Variants in NSA2 observed in about 807,000 individuals in gnomAD.
NSA2 encodes the protein ribosome biogenesis protein NSA2 homolog.
In NSA2, 18 loss-of-function variants were observed where a neutral mutation model predicts 34.8. The ratio of observed to expected loss-of-function variants is 0.52; its 90% CI spans 0.36 to 0.77. The LOEUF (loss-of-function observed/expected upper bound fraction) is 0.77, where lower values mean the gene tolerates loss of function less well. Ranked by LOEUF, NSA2 falls within the 30% of genes least tolerant of loss-of-function variation. The pLI, the probability that NSA2 is intolerant of heterozygous loss-of-function variation, is 0.00. For synonymous variants in NSA2, 79 were observed against 100.2 expected (o/e 0.79, Z 1.26); for missense variants, 188 against 314.7 (o/e 0.60, Z 3.05).
intron 5 of NSA2, among the ~76,000 whole-genome samples, chr5:74,775,059 T>C (rs1235800530): frequency 6.6e-6 from 1 of 151,532 alleles, no homozygotes; most frequent in Non-Finnish European, 1.5e-5. Flanking sequence ...CTACTAAAAA[T>C]ACACAAATTA....
rs1157315500 is a variant in NSA2 at position 74,777,851 on chromosome 5, C to T, written c.*1180C>T. 1 of 151,850 alleles carries T rather than the reference C, an allele frequency of 6.6e-6. No homozygotes were observed. Among genetic ancestry groups the T allele is most frequent in the Non-Finnish European group, 1.5e-5 (1 of 67,884 alleles). The allele number at this position is 151,850 out of a possible 1,614,324, so 9.4% of individuals were successfully genotyped here. On this transcript the variant is annotated 3_prime_UTR_variant, in exon 6 of 6. Transcript: ENST00000610426. ...AGACTTGCTACTCTGAATAATGTAA[C>T]ATTTTTTCTAAGTTCTATAAATATA...
intron 2 of NSA2, 39 bp from the exon 3 acceptor site, chr5:74,769,175 T>G: frequency 2.5e-6 from 4 of 1,594,308 alleles, no homozygotes; most frequent in Non-Finnish European, 3.4e-6. Context: ...TAATCATTAT[T>G]AAAACAGATA....
At chr5:74,767,549 C>T (rs749243861) in intron 1 of NSA2, among the ~76,000 whole-genome samples, 186 bp downstream of exon 1, 1 of 152,164 alleles carries the variant, frequency 6.6e-6, no homozygotes, top group Non-Finnish European at 1.5e-5. Flanking sequence ...GAGACACAGA[C>T]GGTATTTGCC....
intron 5 of NSA2, among the ~76,000 whole-genome samples, chr5:74,774,899 C>CTA (rs1303974946): frequency 6.6e-6 from 1 of 152,098 alleles, no homozygotes; most frequent in African/African-American, 2.4e-5. Flanking sequence ...AGAAATAGAA[C>CTA]TATCTGTCCC....
At chr5:74,773,195 G>C (rs1370889011) in intron 4 of NSA2, among the ~76,000 whole-genome samples, 1 of 152,136 alleles carries the variant, frequency 6.6e-6, no homozygotes, top group African/African-American at 2.4e-5. Flanking sequence ...GGATGTGTTT[G>C]TTGTGAGGTT....
chr5:74,775,222 T>TAAG (rs920695005), intron 5 of NSA2, among the ~76,000 whole-genome samples: 1 of 150,390 alleles, frequency 6.6e-6, no homozygotes, highest in African/African-American at 2.4e-5. Flanking sequence ...TCTCAAAAAG[T>TAAG]AATAATAATA....
intron 4 of NSA2, among the ~76,000 whole-genome samples, chr5:74,772,291 AT>A (rs1410838072): frequency 6.6e-6 from 1 of 151,774 alleles, no homozygotes. Flanking sequence ...CGCCCGGCTA[AT>A]TTTTTTGTAT....
At chr5:74,770,108 A>G (rs1744867888) in intron 3 of NSA2, among the ~76,000 whole-genome samples, 2 of 152,180 alleles carry the variant, frequency 1.3e-5, no homozygotes, top group South Asian at 4.1e-4. Flanking sequence ...AGGCAGGTGG[A>G]TCACCTGAGG....
intron 5 of NSA2, 140 bp from the exon 6 acceptor site, chr5:74,776,464 C>T: frequency 1.7e-6 from 1 of 595,024 alleles, no homozygotes; most frequent in Non-Finnish European, 3.1e-6. Flanking sequence ...GATCACGCCA[C>T]CACACTGCAG....
At chr5:74,767,478 A>G (rs745335793) in intron 1 of NSA2, 115 bp downstream of exon 1, 16 of 1,297,846 alleles carry the variant, frequency 1.2e-5, no homozygotes, top group Admixed American at 1.7e-5. Flanking sequence ...GAGAACTGCC[A>G]AGAGAAAAGG....
chr5:74,774,271 G>C (rs953133217), intron 5 of NSA2, among the ~76,000 whole-genome samples: 1 of 152,186 alleles, frequency 6.6e-6, no homozygotes, highest in African/African-American at 2.4e-5. Flanking sequence ...ACTGGTTTTA[G>C]TTACATAAGG....
At position 74,779,743 on chromosome 5, in the gene NSA2, T is replaced by C. The variant is rs1745319155; in HGVS notation, c.*3072T>C. ...ACTAATTAAAGAAAATATAGGGTAATACAATTGTTCAAAATCTAACACAAA... is the reference window on the plus strand; with the variant it reads ...ACTAATTAAAGAAAATATAGGGTAACACAATTGTTCAAAATCTAACACAAA... On this transcript the variant is annotated 3_prime_UTR_variant, in exon 6 of 6. Coordinates refer to ENST00000610426, the MANE Select transcript of NSA2 (RefSeq NM_014886.6). The C allele has an allele frequency of 2.0e-5, 3 of 152,142 alleles. No homozygotes were observed. The highest frequency in any genetic ancestry group is 6.5e-5 in the Admixed American group (1 of 15,276). The allele number at this position is 152,142 out of a possible 1,614,324, so 9.4% of individuals were successfully genotyped here. A position where few individuals can be genotyped will look rare whatever the true frequency, so the allele number is the denominator to read the frequency against.
chr5:74,769,219 A>G lies in NSA2; in HGVS notation c.197A>G (p.Lys66Arg). Residue 66 changes from lysine (K) to arginine (R), a missense_variant, in exon 3 of 6, where the codon AAG (lysine) becomes AGG (arginine). Lys to Arg is a conservative substitution (Grantham distance 26). Transcript: ENST00000610426. ...TCTTTTTTCCTTCTTGGTAGTATCAAGATGCATGAAAAGAGAAACACCAAA... is the reference window on the plus strand; with the variant it reads ...TCTTTTTTCCTTCTTGGTAGTATCAGGATGCATGAAAAGAGAAACACCAAA... ...AEKIQMKKTI[K>R]MHEKRNTKQK... 1 of 1,605,402 alleles carries G rather than the reference A, an allele frequency of 6.2e-7. No individual in the cohort carries two copies. Among genetic ancestry groups the G allele is most frequent in the Non-Finnish European group, 8.5e-7 (1 of 1,177,966 alleles).
intron 4 of NSA2, 65 bp downstream of exon 4, chr5:74,770,875 A>AT (rs1744899455): frequency 8.4e-7 from 1 of 1,196,894 alleles, no homozygotes; most frequent in Admixed American, 2.7e-5. Context: ...GATAAAGAAC[A>AT]TTATCATTTC....
chr5:74,771,962 C>T (rs1744948901), intron 4 of NSA2, among the ~76,000 whole-genome samples: 1 of 151,914 alleles, frequency 6.6e-6, no homozygotes, highest in African/African-American at 2.4e-5. Flanking sequence ...TGACCCCAAA[C>T]TTCCCCACCC....
At chr5:74,773,802 C>A in intron 4 of NSA2, 66 bp from the exon 5 acceptor site, 1 of 1,266,732 alleles carries the variant, frequency 7.9e-7, no homozygotes, top group Admixed American at 2.3e-5. Context: ...TAAGCGAAAA[C>A]GACCACTACT....
intron 3 of NSA2, 133 bp from the exon 4 acceptor site, chr5:74,770,498 C>T (rs900465225): frequency 3.1e-5 from 20 of 637,830 alleles, no homozygotes; most frequent in South Asian, 5.0e-5. Flanking sequence ...CTCTAGAAGA[C>T]GGTTGAGCCA....
chr5:74,771,017 C>A lies in NSA2; in HGVS notation c.522+207C>A, dbSNP rs973732542. ...CTTTAGCCCAGTGCGGTGGCTCACA[C>A]CTGTAATCCCAGCACTTTGGGAGGT... On this transcript the variant is annotated intron_variant, in intron 4 of 5. Coordinates refer to ENST00000610426, the MANE Select transcript of NSA2 (RefSeq NM_014886.6). Among the ~76,000 whole-genome samples, 82 of 152,144 alleles carry A rather than the reference C, an allele frequency of 5.4e-4. 1 individual carries two copies. The highest frequency in any genetic ancestry group is 1.9e-3 in the African/African-American group (80 of 41,424).
In NSA2 at chr5:74,773,802, C is replaced by T. The variant is rs554698672; in HGVS notation, c.523-66C>T. ...GATGGTTGAAAAAGATAAGCGAAAA[C>T]GACCACTACTCATCACTGTTAACAT... On this transcript the variant is annotated intron_variant, in intron 4 of 5. Transcript: ENST00000610426. The T allele has an allele frequency of 1.4e-5, 18 of 1,266,728 alleles. No homozygotes were observed. The South Asian group carries it at 1.6e-4, about 11-fold the overall frequency. 78.5% of individuals were successfully genotyped at this position (1,266,728 alleles called of 1,614,324 possible).
Sources: gnomAD v4.1 joint callset for allele counts (sites outside exome capture counted in the v4.1 genomes callset) on GRCh38, gnomAD v4.1.1 for gene constraint, MANE v1.5 for transcripts, NCBI Gene and HGNC (gene_info 2026-07-23, HGNC 2026-07-21) for gene names.